Variants in UNC79 observed in about 807,000 individuals in gnomAD.
The protein encoded by UNC79 is protein unc-79 homolog.
A neutral mutation model predicts 283.1 loss-of-function variants in UNC79; 37 were observed. The observed-to-expected ratio is 0.13, with a 90% CI of 0.10 to 0.17. UNC79 has a LOEUF of 0.17. Among genes scored for constraint, UNC79 ranks in the 10% least tolerant of loss-of-function variants. UNC79 has a pLI of 1.00. For missense variants in UNC79, 2,272 were observed against 3,211.1 expected (o/e 0.71, Z 7.07); for synonymous variants, 1,107 against 1,200.2 (o/e 0.92, Z 1.61).
At chr14:93,347,329 G>C in intron 1 of UNC79, 1 of 1,602,728 alleles carries the variant, frequency 6.2e-7, no homozygotes, top group Non-Finnish European at 8.5e-7. Context: ...GGCCCTGCTC[G>C]GCCTGCAGCC....
At chr14:93,467,115 G>A (rs2140258426) in intron 1 of UNC79, among the ~76,000 whole-genome samples, 1 of 152,208 alleles carries the variant, frequency 6.6e-6, no homozygotes, top group East Asian at 1.9e-4. Context: ...TATTCTCACA[G>A]CTAAAGCATT....
chr14:93,451,618 C>G (rs978594885), intron 1 of UNC79, among the ~76,000 whole-genome samples: 5 of 152,200 alleles, frequency 3.3e-5, no homozygotes, highest in African/African-American at 1.2e-4. Flanking sequence ...GGTGCTCTCT[C>G]AGGGCATGTG....
At chr14:93,566,853 G>A (rs564764324) in intron 14 of UNC79, among the ~76,000 whole-genome samples, 1 of 152,112 alleles carries the variant, frequency 6.6e-6, no homozygotes, top group Admixed American at 6.5e-5. Context: ...TCCTGACCTC[G>A]TGATCTGCCC....
At chr14:93,426,996 T>A (rs11625682), upstream of UNC79, among the ~76,000 whole-genome samples, 1 of 152,158 alleles carries the variant, frequency 6.6e-6, no homozygotes, top group Non-Finnish European at 1.5e-5. Context: ...CTGAAGAGTG[T>A]TGACTTTTTT....
chr14:93,574,565 C>G (rs2141645977), intron 16 of UNC79, among the ~76,000 whole-genome samples: 1 of 152,262 alleles, frequency 6.6e-6, no homozygotes, highest in African/African-American at 2.4e-5. Flanking sequence ...GTTAAGAAAG[C>G]AGAAAACAGG....
rs890994903 is a variant in UNC79 at position 93,621,994 on chromosome 14, G to A, written c.4761G>A (p.Glu1587=). Residue 1587 remains glutamate, a synonymous_variant, in exon 30 of 49, where the codon GAG becomes GAA. Coordinates refer to ENST00000555664, the Ensembl canonical transcript of UNC79. This position sits in a 1 kb window ranked among gnomAD's most constrained non-coding sequence, Gnocchi z 4.8. ...CAGAGGTTAGGTTAAACTGTATGGA[G>A]ACTTTCGAGGTGAAAGTTGACTCGC... The A allele has an allele frequency of 1.2e-6, 2 of 1,614,078 alleles. No individual in the cohort carries two copies. Among genetic ancestry groups the A allele is most frequent in the Admixed American group, 1.7e-5 (1 of 60,016 alleles).
intron 2 of UNC79, 66 bp downstream of exon 2, chr14:93,467,857 C>T: frequency 7.0e-7 from 1 of 1,427,634 alleles, no homozygotes; most frequent in Non-Finnish European, 9.1e-7. Context: ...TTATTGGGAT[C>T]TAAATTTTTA....
At chr14:93,657,374 C>CA (rs2071063728) in intron 38 of UNC79, among the ~76,000 whole-genome samples, 1 of 139,732 alleles carries the variant, frequency 7.2e-6, no homozygotes, top group African/African-American at 2.7e-5. Context: ...TTTTTTGAGA[C>CA]AGAGTCTCGC....
rs112258397 is a variant in UNC79, at chr14:93,594,151, A to G, written c.3190+314A>G. On this transcript the variant is annotated intron_variant, in intron 23 of 48. Transcript: ENST00000555664. ...ACACTGGCTTGGATTCAGTCAACCTATGAGTTTACTTGCATCGGTTACTGG... is the reference window on the plus strand; with the variant it reads ...ACACTGGCTTGGATTCAGTCAACCTGTGAGTTTACTTGCATCGGTTACTGG... Among the ~76,000 whole-genome samples the G allele has an allele frequency of 9.5e-3, 1,448 of 152,256 alleles. 7 individuals are homozygous for G. The highest frequency in any genetic ancestry group is 0.017 in the Non-Finnish European group (1,140 of 68,006).
intron 1 of UNC79, among the ~76,000 whole-genome samples, chr14:93,380,667 A>G (rs1361385284): frequency 6.6e-6 from 1 of 152,222 alleles, no homozygotes; most frequent in Non-Finnish European, 1.5e-5. Context: ...TGTTTTGTTC[A>G]TCACTGTACA....
intron 1 of UNC79, among the ~76,000 whole-genome samples, chr14:93,424,988 C>G (rs2055692416): frequency 6.6e-6 from 1 of 152,086 alleles, no homozygotes; most frequent in Non-Finnish European, 1.5e-5. Context: ...TATACACTTA[C>G]TATGTATCTT....
intron 1 of UNC79, chr14:93,347,106 G>A (rs1253577460): frequency 1.9e-5 from 13 of 670,658 alleles, no homozygotes; most frequent in Non-Finnish European, 2.9e-5. Flanking sequence ...GGCAGAGCAG[G>A]AGGTGCTGGG....
chr14:93,501,349 AAAAG>A (rs1465528983), intron 7 of UNC79, among the ~76,000 whole-genome samples: 2 of 151,700 alleles, frequency 1.3e-5, no homozygotes, highest in Non-Finnish European at 3.0e-5. Flanking sequence ...AATTAAAAAA[AAAAG>A]CAAAATTTTT....
chr14:93,647,524 A>G (rs963127762), intron 35 of UNC79, among the ~76,000 whole-genome samples: 5 of 152,212 alleles, frequency 3.3e-5, no homozygotes, highest in African/African-American at 9.6e-5. Context: ...TTCCAGGCAG[A>G]GGGAGCAGCA....
In UNC79 at chr14:93,672,049, G is replaced by A. The variant is rs1484783577; in HGVS notation, c.6637-1302G>A. ...ACAAAAAATAACAGATCCTGGCGAG[G>A]ATATGGAGAAAAGGGAACTCTTGCG... On this transcript the variant is annotated intron_variant, in intron 40 of 48. Coordinates refer to ENST00000555664, the Ensembl canonical transcript of UNC79. Among the ~76,000 whole-genome samples, 5 of 152,202 alleles carry A rather than the reference G, an allele frequency of 3.3e-5. No homozygotes were observed. The East Asian group carries it at 7.7e-4, about 23-fold the overall frequency.
intron 1 of UNC79, among the ~76,000 whole-genome samples, chr14:93,339,481 A>G (rs1247817917): frequency 1.3e-5 from 2 of 152,012 alleles, no homozygotes; most frequent in Non-Finnish European, 1.5e-5. Context: ...TTGTATTTTT[A>G]GTAGAGACGG....
chr14:93,563,738 T>C (rs1171885522), intron 14 of UNC79, among the ~76,000 whole-genome samples: 1 of 151,914 alleles, frequency 6.6e-6, no homozygotes, highest in Non-Finnish European at 1.5e-5. Flanking sequence ...GAATGTCAGG[T>C]AGATCAGAGA....
Position 93,617,221 on chromosome 14 carries a change from C to A in UNC79, c.4141C>A (p.Gln1381Lys), listed in dbSNP as rs374837138. ...TCCTCAACTCCGGCATTATTTCCAACAGCCGCCTCGTTGCTCCCTCTGGTC... is the reference window on the plus strand; with the variant it reads ...TCCTCAACTCCGGCATTATTTCCAAAAGCCGCCTCGTTGCTCCCTCTGGTC... Residue 1381 changes from glutamine to lysine, a missense_variant, in exon 28 of 49, where the codon CAG becomes AAG. By Grantham distance (53) the Gln-to-Lys change is moderately conservative. Coordinates refer to ENST00000555664, the Ensembl canonical transcript of UNC79. The surrounding 1 kb of genome is among the most constrained non-coding windows in gnomAD (Gnocchi z 4.5). 1.4e-5 allele frequency: 22 copies of A among 1,614,110 alleles called. No individual in the cohort carries two copies. The highest frequency in any genetic ancestry group is 1.7e-5 in the Non-Finnish European group (20 of 1,180,046).
At chr14:93,691,156 T>C (rs1287948913) in intron 45 of UNC79, 1 of 158,026 alleles carries the variant, frequency 6.3e-6, no homozygotes, top group Non-Finnish European at 1.4e-5. Flanking sequence ...CTAACCTCTC[T>C]ATTATTCAGA....
Sources: allele counts gnomAD v4.1 joint callset (sites outside exome capture counted in the v4.1 genomes callset), GRCh38; gene constraint gnomAD v4.1.1; non-coding constraint Gnocchi (gnomAD v3.1); transcripts MANE v1.5; gene names NCBI Gene and HGNC (gene_info 2026-07-23, HGNC 2026-07-21).